NXPE4: variants seen among roughly 807,000 people sequenced by gnomAD.
NXPE4 encodes neurexophilin and PC-esterase domain family member 4, also known as NXPE family member 4.
Under a neutral mutation model 33.3 loss-of-function variants are expected in NXPE4, and 42 were observed. The observed-to-expected ratio is 1.26, with a 90% CI of 0.98 to 1.63. The LOEUF is 1.63. Among genes scored for constraint, NXPE4 ranks in the 40% most tolerant of loss-of-function variants. The pLI is 0.00. For missense variants in NXPE4, 709 were observed against 647.6 expected (o/e 1.09, Z -1.03); for synonymous variants, 253 against 234.9 (o/e 1.08, Z -0.71).
At chr11:114,594,575 C>T in intron 2 of NXPE4, 89 bp downstream of exon 2, 2 of 816,232 alleles carry the variant, frequency 2.5e-6, no homozygotes, top group South Asian at 1.5e-5. Context: ...CTATAATCTA[C>T]AAGTCTTGTA....
the NXPE4 span, among the ~76,000 whole-genome samples, chr11:114,610,552 C>T: frequency 6.8e-5 from 7 of 103,420 alleles, no homozygotes; most frequent in East Asian, 3.9e-4. Context: ...AGTGTTGCCT[C>T]GTGGTTAACC....
At chr11:114,667,591 C>A in the NXPE4 span, among the ~76,000 whole-genome samples, 2,153 of 152,186 alleles carry the variant, frequency 0.014, 41 homozygotes, top group African/African-American at 0.049. Flanking sequence ...ATTGTGATTT[C>A]CTCCTTGCTT....
At chr11:114,631,949 G>A in the NXPE4 span, among the ~76,000 whole-genome samples, 1 of 150,556 alleles carries the variant, frequency 6.6e-6, no homozygotes, top group Non-Finnish European at 1.5e-5. Flanking sequence ...TTGCCTTGTA[G>A]GTAACTACTA....
the NXPE4 span, among the ~76,000 whole-genome samples, chr11:114,619,229 C>T: frequency 1.7e-4 from 26 of 151,504 alleles, no homozygotes; most frequent in Admixed American, 6.6e-4. Flanking sequence ...CACTCTTACC[C>T]GGTAGAATAT....
chr11:114,601,899 A>C, the NXPE4 span, among the ~76,000 whole-genome samples: 1 of 45,004 alleles, frequency 2.2e-5, no homozygotes, highest in Non-Finnish European at 4.4e-5. Flanking sequence ...TATTATATTT[A>C]TATATATTAT....
the NXPE4 span, among the ~76,000 whole-genome samples, chr11:114,632,729 T>A: frequency 2.0e-5 from 1 of 49,278 alleles, no homozygotes; most frequent in East Asian, 7.1e-4. Flanking sequence ...ATATAATATA[T>A]AATATATATA....
chr11:114,612,746 T>C, the NXPE4 span, among the ~76,000 whole-genome samples: 1 of 146,868 alleles, frequency 6.8e-6, no homozygotes, highest in African/African-American at 2.5e-5. Flanking sequence ...TTACCCAGTA[T>C]TTAATAAGTG....
the NXPE4 span, among the ~76,000 whole-genome samples, chr11:114,620,640 A>T: frequency 6.6e-5 from 10 of 151,902 alleles, no homozygotes; most frequent in African/African-American, 2.4e-4. Context: ...CTCTAGAGTA[A>T]CCCAGTGGAT....
chr11:114,653,078 C>T, the NXPE4 span, among the ~76,000 whole-genome samples: 46 of 152,154 alleles, frequency 3.0e-4, 1 homozygote, highest in Non-Finnish European at 6.0e-4. Flanking sequence ...CCTTTTTACT[C>T]ATTGAATGTA....
At chr11:114,637,180 G>C in the NXPE4 span, among the ~76,000 whole-genome samples, 3 of 151,838 alleles carry the variant, frequency 2.0e-5, no homozygotes, top group African/African-American at 7.2e-5. Flanking sequence ...AGGATAGTTA[G>C]CTCTTCTTGT....
In NXPE4 at chr11:114,580,311, C is replaced by A; in HGVS notation, c.920G>T (p.Cys307Phe). The A allele has an allele frequency of 6.2e-7, 1 of 1,614,024 alleles. No individual in the cohort carries two copies. The highest frequency in any genetic ancestry group is 1.1e-5 in the South Asian group (1 of 91,078). Residue 307 changes from cysteine (C) to phenylalanine (F), a missense_variant, in exon 5 of 6, where the codon TGC (cysteine) becomes TTC (phenylalanine). Physicochemically the swap from Cys to Phe is radical, Grantham distance 205. Transcript: ENST00000375478. Reference sequence around the variant, plus strand: ...GATTGTGGATGTCATTCCAAACTTGCATTTCTCTTTCATTGCAACTGTTTC... The same window carrying A: ...GATTGTGGATGTCATTCCAAACTTGAATTTCTCTTTCATTGCAACTGTTTC... Reference protein sequence around the residue: ...NKETVAMKEKCKFGMTSTIPS... With the variant: ...NKETVAMKEKFKFGMTSTIPS...
Position 114,582,458 on chromosome 11 carries a change from G to A in NXPE4, c.660C>T (p.Gly220=). 4 of 1,614,166 alleles carry A rather than the reference G, an allele frequency of 2.5e-6. No individual in the cohort carries two copies. The highest frequency in any genetic ancestry group is 3.4e-6 in the Non-Finnish European group (4 of 1,180,004). ...ATTCAGCATTTGTGTTTAGGATCAG[G>A]CCACATTCAGAGTGGACTTGGGAAG... ...NGTSQVHSEC[G]LILNTNAELC... is the part of the protein sequence containing the mutation. The change falls in exon 3 of 6, where the codon GGC becomes GGT. Residue 220 remains glycine, a synonymous_variant. Coordinates refer to ENST00000375478, the MANE Select transcript of NXPE4 (RefSeq NM_001077639.2).
chr11:114,602,141 C>A, the NXPE4 span, among the ~76,000 whole-genome samples: 1 of 99,444 alleles, frequency 1.0e-5, no homozygotes, highest in African/African-American at 4.2e-5. Flanking sequence ...ATAACATATA[C>A]TATATATAAT....
At chr11:114,572,868 G>A (rs1229845844) in intron 5 of NXPE4, among the ~76,000 whole-genome samples, 2 of 152,092 alleles carry the variant, frequency 1.3e-5, no homozygotes, top group Admixed American at 1.3e-4. Context: ...AAGAACACCT[G>A]GGAAATTCAT....
chr11:114,589,472 C>T (rs1254266430), intron 2 of NXPE4, among the ~76,000 whole-genome samples: 1 of 152,076 alleles, frequency 6.6e-6, no homozygotes, highest in Admixed American at 6.5e-5. Context: ...TTTCTCAACC[C>T]CTTAGGTGCA....
At chr11:114,573,928 G>A (rs1170994259) in intron 5 of NXPE4, among the ~76,000 whole-genome samples, 1 of 152,108 alleles carries the variant, frequency 6.6e-6, no homozygotes, top group East Asian at 1.9e-4. Context: ...ATCAGCACAT[G>A]GAACATTCTC....
At chr11:114,592,650 T>A (rs1949484110) in intron 2 of NXPE4, among the ~76,000 whole-genome samples, 1 of 152,014 alleles carries the variant, frequency 6.6e-6, no homozygotes, top group Non-Finnish European at 1.5e-5. Context: ...AAAATACCAA[T>A]AATATTCTTC....
At chr11:114,585,988 G>C (rs1017768043) in intron 2 of NXPE4, among the ~76,000 whole-genome samples, 4 of 152,168 alleles carry the variant, frequency 2.6e-5, no homozygotes, top group Non-Finnish European at 5.9e-5. Context: ...TCTGCATAAT[G>C]AAAGATTAGA....
chr11:114,627,937 T>C, the NXPE4 span, among the ~76,000 whole-genome samples: 1 of 152,036 alleles, frequency 6.6e-6, no homozygotes, highest in Non-Finnish European at 1.5e-5. Flanking sequence ...CATTATTTAA[T>C]GGTAAAGGGA....
Sources: gnomAD v4.1 joint callset for allele counts (sites outside exome capture counted in the v4.1 genomes callset) on GRCh38, gnomAD v4.1.1 for gene constraint, MANE v1.5 for transcripts, NCBI Gene and HGNC (gene_info 2026-07-23, HGNC 2026-07-21) for gene names.